COQ2: variants seen among roughly 807,000 people sequenced by gnomAD.
COQ2 encodes coenzyme Q2, polyprenyltransferase.
A neutral mutation model predicts 35.7 loss-of-function variants in COQ2; 25 were observed. The ratio of observed to expected loss-of-function variants is 0.70; its 90% CI spans 0.51 to 0.98. COQ2 has a LOEUF of 0.98. Ranked by LOEUF, COQ2 falls within the 50% of genes least tolerant of loss-of-function variation. The pLI, the probability that COQ2 is intolerant of heterozygous loss-of-function variation, is 0.00. For missense variants in COQ2, 488 were observed against 473.5 expected (o/e 1.03, Z -0.28); for synonymous variants, 206 against 186.2 (o/e 1.11, Z -0.86).
At chr4:83,269,802 T>C in intron 5 of COQ2, 58 bp downstream of exon 5, 1 of 1,363,528 alleles carries the variant, frequency 7.3e-7, no homozygotes, top group African/African-American at 1.5e-5. Context: ...TCTCCTTAAT[T>C]TGGTTCTTTA....
rs1002736939 is a variant in COQ2 at position 83,284,734 on chromosome 4, G to A, written c.31C>T (p.Arg11Trp). The change falls in exon 1 of 7, where the codon CGG becomes TGG. Residue 11 changes from arginine to tryptophan, a missense_variant. Arg to Trp is a moderately radical substitution (Grantham distance 101). Transcript: ENST00000647002. The part of the protein sequence containing the change: MLGSRAAGFA[R>W]GLRAVALAWL... Reference sequence around the variant, plus strand: ...GCCAGTGCCACAGCCCGCAGGCCCCGCGCGAACCCCGCGGCTCGCGAGCCC... The same window carrying A: ...GCCAGTGCCACAGCCCGCAGGCCCCACGCGAACCCCGCGGCTCGCGAGCCC... The A allele has an allele frequency of 3.9e-6, 6 of 1,522,952 alleles. No homozygotes were observed. Among genetic ancestry groups the A allele is most frequent in the Admixed American group, 2.0e-5 (1 of 48,922 alleles). 94.3% of individuals were successfully genotyped at this position (1,522,952 alleles called of 1,614,324 possible).
At chr4:83,276,991 T>C (rs1232618846) in intron 2 of COQ2, among the ~76,000 whole-genome samples, 2 of 123,112 alleles carry the variant, frequency 1.6e-5, no homozygotes, top group African/African-American at 6.1e-5. Flanking sequence ...AAACAATGGG[T>C]ACACAGAGAC....
intron 1 of COQ2, chr4:83,283,639 T>C (rs775487530): frequency 1.7e-5 from 17 of 985,336 alleles, no homozygotes; most frequent in Non-Finnish European, 2.0e-5. Context: ...CACCAAATAG[T>C]CTTTTTCAAC....
In COQ2 at chr4:83,284,583, G is replaced by A. The variant is rs1233395596; in HGVS notation, c.182C>T (p.Ala61Val). The change falls in exon 1 of 7, where the codon GCG becomes GTG. Residue 61 changes from alanine (A) to valine (V), a missense_variant. By Grantham distance (64) the Ala-to-Val change is moderately conservative. Transcript: ENST00000647002. ...GCGGGGCGCAGAGTCCACCACCGCCGCCGCGGACAAACTGAGCTGGCGCCC... is the reference window on the plus strand; with the variant it reads ...GCGGGGCGCAGAGTCCACCACCGCCACCGCGGACAAACTGAGCTGGCGCCC... ...PRGRQLSLSA[A>V]AVVDSAPRPL... The A allele has an allele frequency of 1.5e-5, 24 of 1,548,958 alleles. No homozygotes were observed. Among genetic ancestry groups the A allele is most frequent in the Admixed American group, 1.9e-5 (1 of 51,492 alleles).
intron 3 of COQ2, 63 bp from the exon 4 acceptor site, chr4:83,272,235 T>A (rs1265817722): frequency 6.6e-6 from 6 of 903,106 alleles, no homozygotes; most frequent in Non-Finnish European, 1.0e-5. Context: ...CACGAAATAC[T>A]TTAAGACAAT....
intron 1 of COQ2, chr4:83,284,088 A>G (rs1446769593): frequency 1.2e-5 from 12 of 985,332 alleles, no homozygotes; most frequent in Admixed American, 6.1e-5. Context: ...TGGGCCTTAC[A>G]AGATTGCGGG....
At chr4:83,266,929 TAAAAGC>T in intron 6 of COQ2, 1 of 282,730 alleles carries the variant, frequency 3.5e-6, no homozygotes, top group Middle Eastern at 1.4e-3. Context: ...GATTTTTTTT[TAAAAGC>T]TTTATCTGTC....
rs552884008 is a variant in COQ2 at position 83,272,962 on chromosome 4, C to T, written c.542+534G>A. ...TAAAGTAACTTTTTGTCTTTCTTCT[C>T]TCGCATTGAAGCACTTTGTAAACCG... On this transcript the variant is annotated intron_variant, in intron 3 of 6. Transcript: ENST00000647002. 2.0e-5 allele frequency among the ~76,000 whole-genome samples: 3 copies of T among 152,292 alleles called. No homozygotes were observed. The East Asian group carries it at 5.8e-4, about 29-fold the overall frequency.
At chr4:83,269,656 A>G (rs1734998774) in intron 5 of COQ2, among the ~76,000 whole-genome samples, 1 of 152,216 alleles carries the variant, frequency 6.6e-6, no homozygotes, top group South Asian at 2.1e-4. Context: ...TGGTAAACAC[A>G]CATAAACATA....
At position 83,284,494 on chromosome 4, in the gene COQ2, CCG is replaced by C; in HGVS notation, c.253+16_253+17del. 2.0e-6 allele frequency: 3 copies of C among 1,537,494 alleles called. No homozygotes were observed. Among genetic ancestry groups the C allele is most frequent in the Non-Finnish European group, 1.8e-6 (2 of 1,137,804 alleles). On this transcript the variant is annotated intron_variant, in intron 1 of 6. Transcript: ENST00000647002. Reference sequence around the variant, plus strand: ...TGCTACTTGCAAATTCCCGGGCTGCCCGCCCGCCCGCACTCACCAATGGGCTT... The same window carrying C: ...TGCTACTTGCAAATTCCCGGGCTGCCCCCGCCCGCACTCACCAATGGGCTT...
upstream of COQ2, chr4:83,284,804 TC>T: frequency 6.4e-7 from 1 of 1,569,932 alleles, no homozygotes; most frequent in South Asian, 1.2e-5. Context: ...TTGACGTCAT[TC>T]CCCGGCAGGC....
At chr4:83,266,132 A>G (rs1398070832) in intron 6 of COQ2, among the ~76,000 whole-genome samples, 1 of 152,164 alleles carries the variant, frequency 6.6e-6, no homozygotes, top group East Asian at 1.9e-4. Context: ...GATGCTGAGA[A>G]ATTCTGAAGG....
rs181853474 is a variant in COQ2, at chr4:83,271,358, T to C, written c.628+729A>G. 5.7e-3 allele frequency among the ~76,000 whole-genome samples: 875 copies of C among 152,318 alleles called. 7 individuals are homozygous for C. Among genetic ancestry groups the C allele is most frequent in the African/African-American group, 0.02 (815 of 41,572 alleles). ...AGCCCAGAAGAGACTGTCTAACTTC[T>C]TCCTGAGAGGCTTCACAGAATACGA... On this transcript the variant is annotated intron_variant, in intron 4 of 6. Coordinates refer to ENST00000647002, the MANE Select transcript of COQ2 (RefSeq NM_001358921.2).
rs773904460 is a variant in COQ2, at chr4:83,284,627, G to A, written c.138C>T (p.Pro46=). The change falls in exon 1 of 7, where the codon CCC becomes CCT. Residue 46 remains proline (P), a synonymous_variant. Transcript: ENST00000647002. The stretch of plus-strand genomic sequence containing the variant: ...GGCGCCCGCGCGGCTCGGGACAGGC[G>A]GGGGGCTGCAAGTCACCACCGTGGG... ...GAPHGGDLQP[P]ACPEPRGRQL... 1.4e-5 allele frequency: 21 copies of A among 1,514,930 alleles called. No homozygotes were observed. Among genetic ancestry groups the A allele is most frequent in the South Asian group, 2.5e-5 (2 of 80,874 alleles). The allele number at this position is 1,514,930 out of a possible 1,614,324, so 93.8% of individuals were successfully genotyped here.
At chr4:83,266,601 C>G (rs150023868) in intron 6 of COQ2, 1 of 152,630 alleles carries the variant, frequency 6.6e-6, no homozygotes, top group African/African-American at 2.4e-5. Context: ...GGTGATCCAC[C>G]ATGAATACCT....
intron 4 of COQ2, among the ~76,000 whole-genome samples, chr4:83,270,357 A>T (rs1445794023): frequency 2.0e-5 from 3 of 152,118 alleles, no homozygotes; most frequent in Non-Finnish European, 4.4e-5. Flanking sequence ...TCTCTGACTC[A>T]AAAACCCATG....
In COQ2 at chr4:83,272,174, T is replaced by G. The variant is rs769463299; in HGVS notation, c.543-2A>C. On this transcript the variant is annotated splice_acceptor_variant, in intron 3 of 6. Coordinates refer to ENST00000647002, the MANE Select transcript of COQ2 (RefSeq NM_001358921.2). LOFTEE classifies it high-confidence loss of function. ...AAGGATCCTGCTCCCAGAGCTATAC[T>G]GAAAAGAGGAAAAACCATTAAAGTG... is the stretch of plus-strand genomic sequence containing the variant. The G allele has an allele frequency of 6.3e-7, 1 of 1,598,538 alleles. No individual in the cohort carries two copies. The highest frequency in any genetic ancestry group is 8.5e-7 in the Non-Finnish European group (1 of 1,170,676).
chr4:83,273,400 A>G (rs1023118940), intron 3 of COQ2, 96 bp downstream of exon 3: 5 of 1,320,774 alleles, frequency 3.8e-6, no homozygotes, highest in Non-Finnish European at 5.2e-6. Context: ...TAAGTAGCAA[A>G]TGAACAACTT....
chr4:83,270,918 T>A (rs1276920647), intron 4 of COQ2, among the ~76,000 whole-genome samples: 1 of 152,228 alleles, frequency 6.6e-6, no homozygotes, highest in African/African-American at 2.4e-5. Context: ...AGGAAATGCT[T>A]ATATTGAGAA....
Sources: gnomAD v4.1 joint callset for allele counts (sites outside exome capture counted in the v4.1 genomes callset) on GRCh38, gnomAD v4.1.1 for gene constraint, MANE v1.5 for transcripts, NCBI Gene and HGNC (gene_info 2026-07-23, HGNC 2026-07-21) for gene names.